Variants in ANXA4 observed in about 807,000 individuals in gnomAD.
ANXA4 encodes the protein 35-beta calcimedin.
A neutral mutation model predicts 49.8 loss-of-function variants in ANXA4; 39 were observed. The ratio of observed to expected loss-of-function variants is 0.78; its 90% CI spans 0.61 to 1.02. ANXA4 has a LOEUF of 1.02. ANXA4 is among the 50% of genes least tolerant of loss of function. The pLI is 0.00. For synonymous variants in ANXA4, 134 were observed against 152.5 expected (o/e 0.88, Z 0.89); for missense variants, 360 against 410.1 (o/e 0.88, Z 1.05).
intron 2 of ANXA4, among the ~76,000 whole-genome samples, chr2:69,696,454 C>T (rs1678162897): frequency 6.6e-6 from 1 of 152,214 alleles, no homozygotes; most frequent in African/African-American, 2.4e-5. Context: ...AAGTCTCAGA[C>T]CCCACAGTCA....
chr2:69,810,648 A>G lies in ANXA4; in HGVS notation c.452A>G (p.Gln151Arg), dbSNP rs1310952796. The G allele has an allele frequency of 6.2e-7, 1 of 1,614,106 alleles. No homozygotes were observed. The highest frequency in any genetic ancestry group is 8.5e-7 in the Non-Finnish European group (1 of 1,179,988). The change falls in exon 7 of 13, where the codon CAG (glutamine) becomes CGG (arginine). Residue 151 changes from glutamine to arginine, a missense_variant. Transcript: ENST00000394295. ...CGCTCTGACACATCGTTCATGTTCC[A>G]GCGAGTGCTGGTGTCTCTGTCAGCT... ...DIRSDTSFMF[Q>R]RVLVSLSAGG...
intron 3 of ANXA4, among the ~76,000 whole-genome samples, chr2:69,793,054 C>T (rs1441655950): frequency 1.3e-5 from 2 of 151,274 alleles, no homozygotes; most frequent in East Asian, 1.9e-4. Context: ...GAGATCGAGA[C>T]CATCCTGGCC....
At chr2:69,784,890 ATCT>A (rs1049562414) in intron 2 of ANXA4, among the ~76,000 whole-genome samples, 4 of 152,050 alleles carry the variant, frequency 2.6e-5, no homozygotes, top group African/African-American at 4.8e-5. Flanking sequence ...TCATATCCAC[ATCT>A]TCTTATAAGG....
At chr2:69,732,125 C>CTGAGT (rs1244687478) in intron 3 of ANXA4, among the ~76,000 whole-genome samples, 69 of 151,646 alleles carry the variant, frequency 4.6e-4, no homozygotes, top group African/African-American at 1.6e-3. Flanking sequence ...CTACAGGCGC[C>CTGAGT]CGCCACCACG....
At position 69,820,765 on chromosome 2, in the gene ANXA4, GA is replaced by G. The variant is rs770823629; in HGVS notation, c.851del (p.Asp284ValfsTer56). On this transcript the variant is annotated frameshift_variant, in exon 12 of 13. Transcript: ENST00000394295. LOFTEE classifies it high-confidence loss of function. Reference sequence around the variant, plus strand: ...TTCTCGAGCAGAAATTGACATGTTGGATATCCGGGCACACTTCAAGAGACTC... The same window carrying G: ...TTCTCGAGCAGAAATTGACATGTTGGTATCCGGGCACACTTCAAGAGACTC... ...MVSRAEIDML[D>X]IRAHFKRLYG... The G allele has an allele frequency of 1.2e-5, 19 of 1,614,092 alleles. No individual in the cohort carries two copies. In the South Asian group the frequency reaches 2.0e-4, roughly 17 times the overall value.
In ANXA4 at chr2:69,793,080, C is replaced by T. The variant is rs182224374; in HGVS notation, c.97+4939C>T. Among the ~76,000 whole-genome samples the T allele has an allele frequency of 3.3e-5, 5 of 151,630 alleles. No homozygotes were observed. In the East Asian group the frequency reaches 5.8e-4, roughly 18 times the overall value. ...CATCCTGGCCAACATGGTGAAACCC[C>T]GTCTCTACTAAAAATGCAAAAATTA... is the stretch of plus-strand genomic sequence containing the variant. On this transcript the variant is annotated intron_variant, in intron 3 of 12. Coordinates refer to ENST00000394295, the MANE Select transcript of ANXA4 (RefSeq NM_001153.5).
At chr2:69,744,639 C>G (rs960621693) in intron 1 of ANXA4, among the ~76,000 whole-genome samples, 1 of 152,154 alleles carries the variant, frequency 6.6e-6, no homozygotes, top group African/African-American at 2.4e-5. Flanking sequence ...GCTGTCTTAT[C>G]TAATCTTCAC....
chr2:69,712,838 A>G (rs759658236), intron 2 of ANXA4, among the ~76,000 whole-genome samples: 7 of 152,160 alleles, frequency 4.6e-5, no homozygotes, highest in Non-Finnish European at 1.0e-4. Flanking sequence ...AGTTGTGAAG[A>G]TATCACCTAA....
At chr2:69,769,821 C>T (rs1322690420) in intron 1 of ANXA4, among the ~76,000 whole-genome samples, 1 of 152,124 alleles carries the variant, frequency 6.6e-6, no homozygotes, top group Non-Finnish European at 1.5e-5. Context: ...TGCCACCACA[C>T]CCAGCTAATT....
intron 3 of ANXA4, among the ~76,000 whole-genome samples, chr2:69,793,319 C>T (rs1429553740): frequency 2.0e-5 from 3 of 151,612 alleles, no homozygotes; most frequent in African/African-American, 7.3e-5. Context: ...ATAATTTAGA[C>T]CACATTTTTA....
At chr2:69,782,216 A>G (rs1325061563) in intron 2 of ANXA4, among the ~76,000 whole-genome samples, 4 of 152,170 alleles carry the variant, frequency 2.6e-5, no homozygotes, top group African/African-American at 9.7e-5. Flanking sequence ...AGTAATTCTG[A>G]TCCGTGGTCT....
intron 3 of ANXA4, among the ~76,000 whole-genome samples, chr2:69,723,513 T>C (rs1364105785): frequency 6.6e-6 from 1 of 152,184 alleles, no homozygotes; most frequent in Admixed American, 6.5e-5. Flanking sequence ...TTGTTCCCTC[T>C]TCCTAGTCCA....
At chr2:69,720,847 T>C (rs934657316) in exon 3 of ANXA4, 16 of 152,202 alleles carry the variant, frequency 1.1e-4, no homozygotes, top group Admixed American at 9.8e-4. Flanking sequence ...ATATCTGGTA[T>C]GGCCAGAGTA....
Position 69,691,058 on chromosome 2 carries a change from T to C in ANXA4, n.767-29716T>C, listed in dbSNP as rs546157905. Among the ~76,000 whole-genome samples, 71 of 152,276 alleles carry C rather than the reference T, an allele frequency of 4.7e-4. 2 individuals carry two copies. In the South Asian group the frequency reaches 0.012, roughly 27 times the overall value. ...ATTCCTTATGTGGGTAGCAGAAATA[T>C]CAAGTTTGCAAATACTCTGCCTGGG... On this transcript the variant is annotated intron_variant and non_coding_transcript_variant, in intron 2 of 3. Transcript: ENST00000418066.
At chr2:69,719,260 C>CTT (rs1192269262) in intron 2 of ANXA4, among the ~76,000 whole-genome samples, 2,273 of 66,566 alleles carry the variant, frequency 0.034, 399 homozygotes, top group Non-Finnish European at 0.046. Context: ...ATTTTCCAGT[C>CTT]TTTTTTTTTT....
At chr2:69,718,890 A>G (rs1257489566) in intron 2 of ANXA4, among the ~76,000 whole-genome samples, 2 of 151,702 alleles carry the variant, frequency 1.3e-5, no homozygotes. Flanking sequence ...GCATACACAC[A>G]CATGCATACA....
intron 2 of ANXA4, among the ~76,000 whole-genome samples, chr2:69,786,188 GTAAA>G (rs1205220183): frequency 3.3e-5 from 5 of 152,134 alleles, no homozygotes; most frequent in Admixed American, 6.5e-5. Flanking sequence ...CTCCATCTGG[GTAAA>G]TGATACCCAG....
At chr2:69,822,916 A>G (rs1674305119) in intron 12 of ANXA4, among the ~76,000 whole-genome samples, 1 of 151,906 alleles carries the variant, frequency 6.6e-6, no homozygotes, top group Admixed American at 6.6e-5. Flanking sequence ...TTATATATAT[A>G]TATTTTTTTA....
chr2:69,722,061 A>T lies in ANXA4; in HGVS notation n.864+1190A>T, dbSNP rs188569734. The stretch of plus-strand genomic sequence containing the variant: ...CACAGGGTCATTGGGAAGATTAAAT[A>T]AAAAAAAATGACCAGTGTTTTATAA... On this transcript the variant is annotated intron_variant and non_coding_transcript_variant, in intron 3 of 3. Transcript: ENST00000418066. Among the ~76,000 whole-genome samples the T allele has an allele frequency of 1.4e-3, 215 of 151,612 alleles. 2 individuals are homozygous for T. The highest frequency in any genetic ancestry group is 3.4e-3 in the Middle Eastern group (1 of 292).
Sources: allele counts gnomAD v4.1 joint callset (sites outside exome capture counted in the v4.1 genomes callset), GRCh38; gene constraint gnomAD v4.1.1; transcripts MANE v1.5; gene names NCBI Gene and HGNC (gene_info 2026-07-23, HGNC 2026-07-21).